Variants in SASH1 observed in about 807,000 individuals in gnomAD.
The protein encoded by SASH1 is SAM and SH3 domain containing 1.
A neutral mutation model predicts 125.2 loss-of-function variants in SASH1; 44 were observed. The ratio of observed to expected loss-of-function variants is 0.35; its 90% CI spans 0.28 to 0.45. The LOEUF is 0.45. Ranked by LOEUF, SASH1 falls within the 20% of genes least tolerant of loss-of-function variation. The pLI, the probability that SASH1 is intolerant of heterozygous loss-of-function variation, is 1.00. For synonymous variants in SASH1, 639 were observed against 649.1 expected (o/e 0.98, Z 0.24); for missense variants, 1,426 against 1,614.5 (o/e 0.88, Z 2.00).
At chr6:148,214,160 A>G in the SASH1 span, among the ~76,000 whole-genome samples, 1 of 152,182 alleles carries the variant, frequency 6.6e-6, no homozygotes, top group Admixed American at 6.5e-5. Flanking sequence ...TTTTTCTGAC[A>G]GGAGTATCCA....
chr6:148,324,597 C>A (rs928004489), intron 1 of SASH1, among the ~76,000 whole-genome samples: 8 of 152,196 alleles, frequency 5.3e-5, no homozygotes, highest in African/African-American at 1.7e-4. Context: ...CTGTCTTCCT[C>A]CAAGTTCTCA....
chr6:148,361,896 T>TTTTTTC (rs1253614901), intron 1 of SASH1, among the ~76,000 whole-genome samples: 2 of 149,458 alleles, frequency 1.3e-5, no homozygotes, highest in South Asian at 2.1e-4. Flanking sequence ...CCAGCATTTC[T>TTTTTTC]TTTTTCTTTT....
rs1171488016 is a variant in SASH1, at chr6:148,490,266, T to A, written c.729+2551T>A. Among the ~76,000 whole-genome samples, 5 of 151,922 alleles carry A rather than the reference T, an allele frequency of 3.3e-5. No homozygotes were observed. In the South Asian group the frequency reaches 8.3e-4, roughly 25 times the overall value. On this transcript the variant is annotated intron_variant, in intron 8 of 19. Coordinates refer to ENST00000367467, the MANE Select transcript of SASH1 (RefSeq NM_015278.5). ...CTCTGTCACCCAGGCTGGAGTACAGTGGCGCGATCTCAGCTCACTGCAACC... is the reference window on the plus strand; with the variant it reads ...CTCTGTCACCCAGGCTGGAGTACAGAGGCGCGATCTCAGCTCACTGCAACC...
At chr6:148,530,311 A>G (rs1271154441) in intron 12 of SASH1, among the ~76,000 whole-genome samples, 1 of 152,208 alleles carries the variant, frequency 6.6e-6, no homozygotes, top group Admixed American at 6.5e-5. Flanking sequence ...CTGTTTTTCA[A>G]ACTGCGTGCT....
chr6:148,259,713 G>T, the SASH1 span, among the ~76,000 whole-genome samples: 1 of 152,162 alleles, frequency 6.6e-6, no homozygotes, highest in Non-Finnish European at 1.5e-5. Context: ...GAAACATATG[G>T]CTGGGAACTG....
chr6:148,474,715 G>A (rs1192907431), intron 7 of SASH1, among the ~76,000 whole-genome samples: 1 of 152,086 alleles, frequency 6.6e-6, no homozygotes. Flanking sequence ...GGGACCACAG[G>A]TGTGTGACAC....
rs1191307284 is a variant in SASH1, at chr6:148,524,129, T to A, written c.1210-1162T>A. On this transcript the variant is annotated intron_variant, in intron 10 of 19. Transcript: ENST00000367467. The stretch of plus-strand genomic sequence containing the variant: ...TATATATATATATATATATTTTTTT[T>A]AATGAATAAGCAATGCTTATAGTAT... Among the ~76,000 whole-genome samples the A allele has an allele frequency of 2.5e-5, 3 of 120,552 alleles. 1 individual carries two copies. The South Asian group carries it at 8.1e-4, about 33-fold the overall frequency. The allele number at this position is 120,552 out of a possible 152,430, so 79.1% of individuals were successfully genotyped here.
At chr6:148,416,674 G>A (rs1784832286) in intron 2 of SASH1, among the ~76,000 whole-genome samples, 1 of 152,194 alleles carries the variant, frequency 6.6e-6, no homozygotes, top group African/African-American at 2.4e-5. Context: ...TCTTGGGGTT[G>A]TGTTGCCTCT....
chr6:148,376,750 G>A (rs1408337481), intron 1 of SASH1, among the ~76,000 whole-genome samples: 2 of 152,078 alleles, frequency 1.3e-5, no homozygotes, highest in South Asian at 2.1e-4. Flanking sequence ...TGTAGTCCCA[G>A]CTACTCGGGA....
chr6:148,199,328 T>G, the SASH1 span, among the ~76,000 whole-genome samples: 97,555 of 151,160 alleles, frequency 0.65, 32,147 homozygotes, highest in African/African-American at 0.77. Flanking sequence ...AGTTGAAATC[T>G]TGCCATTGCA....
At position 148,519,754 on chromosome 6, in the gene SASH1, G is replaced by C. The variant is rs1380973236; in HGVS notation, c.1070G>C (p.Gly357Ala). 1 of 1,614,130 alleles carries C rather than the reference G, an allele frequency of 6.2e-7. No homozygotes were observed. Among genetic ancestry groups the C allele is most frequent in the Non-Finnish European group, 8.5e-7 (1 of 1,180,040 alleles). Residue 357 changes from glycine (G) to alanine (A), a missense_variant, in exon 10 of 20, where the codon GGA becomes GCA. Coordinates refer to ENST00000367467, the MANE Select transcript of SASH1 (RefSeq NM_015278.5). This position sits in a 1 kb window ranked among gnomAD's most constrained non-coding sequence, Gnocchi z 4.8. ...AAGTTGGTCAAAACCTTCAGCAAAG[G>C]AGAGAGCCGGGGCCTGATTAAGCCC... Reference protein sequence around the residue: ...GRKLVKTFSKGESRGLIKPPK... With the variant: ...GRKLVKTFSKAESRGLIKPPK...
At chr6:148,430,705 A>G (rs1352326616) in intron 2 of SASH1, among the ~76,000 whole-genome samples, 2 of 152,208 alleles carry the variant, frequency 1.3e-5, no homozygotes, top group Non-Finnish European at 2.9e-5. Flanking sequence ...TCACTGGGGA[A>G]TTTTGGCAAA....
intron 1 of SASH1, among the ~76,000 whole-genome samples, chr6:148,368,432 A>G (rs1358426144): frequency 2.6e-5 from 4 of 152,180 alleles, no homozygotes; most frequent in African/African-American, 4.8e-5. Context: ...CACCACACTC[A>G]GCTAATTTTT....
chr6:148,347,678 CTTAA>C (rs1465306478), intron 1 of SASH1, among the ~76,000 whole-genome samples: 4 of 152,152 alleles, frequency 2.6e-5, no homozygotes, highest in Non-Finnish European at 4.4e-5. Context: ...CAGCTAATGA[CTTAA>C]TTAATTTTAC....
chr6:148,265,102 A>G, the SASH1 span, among the ~76,000 whole-genome samples: 21 of 152,328 alleles, frequency 1.4e-4, 1 homozygote, highest in South Asian at 6.2e-4. Context: ...TATAACCTCC[A>G]GTTTGCAAAG....
chr6:148,414,132 A>T (rs4897007), intron 2 of SASH1, among the ~76,000 whole-genome samples: 18,386 of 152,042 alleles, frequency 0.12, 1,261 homozygotes, highest in Admixed American at 0.22. Context: ...CTAAAAACAA[A>T]AATTATTATG....
At chr6:148,502,643 G>A (rs921553255) in intron 8 of SASH1, among the ~76,000 whole-genome samples, 2 of 152,072 alleles carry the variant, frequency 1.3e-5, no homozygotes, top group Admixed American at 1.3e-4. Flanking sequence ...TGGGGAAGAG[G>A]AGGGCCGGGA....
chr6:148,525,482 A>G (rs1232782585), intron 11 of SASH1, 117 bp downstream of exon 11: 1 of 858,802 alleles, frequency 1.2e-6, no homozygotes, highest in East Asian at 2.4e-5. Context: ...GGTAATCCTG[A>G]GTCACGTTTG....
At chr6:148,501,253 G>A (rs531049512) in intron 8 of SASH1, among the ~76,000 whole-genome samples, 16 of 152,244 alleles carry the variant, frequency 1.1e-4, no homozygotes, top group South Asian at 4.2e-4. Flanking sequence ...AGAAGTCATC[G>A]TGCCTGATAC....
Sources: allele counts gnomAD v4.1 joint callset (sites outside exome capture counted in the v4.1 genomes callset), GRCh38; gene constraint gnomAD v4.1.1; non-coding constraint Gnocchi (gnomAD v3.1); transcripts MANE v1.5; gene names NCBI Gene and HGNC (gene_info 2026-07-23, HGNC 2026-07-21).